Variants in HSPA12A observed in about 807,000 individuals in gnomAD.
The protein encoded by HSPA12A is heat shock 70 kDa protein 12A.
In HSPA12A, 28 loss-of-function variants were observed where a neutral mutation model predicts 69.2. That is an observed-to-expected ratio of 0.40 (90% CI 0.30 to 0.55). The LOEUF (loss-of-function observed/expected upper bound fraction) is 0.55, where lower values mean the gene tolerates loss of function less well. HSPA12A is among the 20% of genes least tolerant of loss of function. The pLI is 0.38. For synonymous variants in HSPA12A, 345 were observed against 370.5 expected, an observed-to-expected ratio of 0.93 and a Z score of 0.79; for missense variants, 686 against 900.7, an observed-to-expected ratio of 0.76 and a Z score of 3.05.
chr10:116,682,463 G>T (rs914155841), intron 7 of HSPA12A, among the ~76,000 whole-genome samples: 1 of 151,480 alleles, frequency 6.6e-6, no homozygotes, highest in Admixed American at 6.6e-5. Context: ...ACTGGGGGGG[G>T]GGGCCATTTC....
chr10:116,757,724 G>C (rs952181908), intron 2 of HSPA12A, among the ~76,000 whole-genome samples: 1 of 152,170 alleles, frequency 6.6e-6, no homozygotes, highest in African/African-American at 2.4e-5. Flanking sequence ...AATAATAACT[G>C]TACCTACTTC....
chr10:116,674,628 A>G lies in HSPA12A; in HGVS notation c.*153T>C, dbSNP rs1284123562. On this transcript the variant is annotated 3_prime_UTR_variant, in exon 12 of 12. Coordinates refer to ENST00000369209, the MANE Select transcript of HSPA12A (RefSeq NM_025015.3). ...TGACTCCAGTGTGCCCTCAAAAGTC[A>G]CTAATTATTTCTAGCCCTGATTGTT... The G allele has an allele frequency of 6.7e-6, 5 of 744,738 alleles. No homozygotes were observed. Among genetic ancestry groups the G allele is most frequent in the Admixed American group, 2.9e-5 (1 of 34,698 alleles). 46.1% of individuals were successfully genotyped at this position (744,738 alleles called of 1,614,324 possible). A position where few individuals can be genotyped will look rare whatever the true frequency, so the allele number is the denominator to read the frequency against.
chr10:116,775,496 T>C (rs1554890993), intron 2 of HSPA12A, among the ~76,000 whole-genome samples: 1 of 152,168 alleles, frequency 6.6e-6, no homozygotes, highest in Non-Finnish European at 1.5e-5. Flanking sequence ...AATCTAACAT[T>C]GACCGTGAAG....
intron 3 of HSPA12A, among the ~76,000 whole-genome samples, chr10:116,703,126 T>C (rs926791722): frequency 1.2e-4 from 18 of 152,190 alleles, no homozygotes; most frequent in Admixed American, 2.6e-4. Context: ...TCTGGCTAAA[T>C]GGAAAGAGAT....
At chr10:116,787,030 A>G (rs1452032574) in intron 2 of HSPA12A, among the ~76,000 whole-genome samples, 1 of 151,826 alleles carries the variant, frequency 6.6e-6, no homozygotes, top group Non-Finnish European at 1.5e-5. Flanking sequence ...ACGCACTCAC[A>G]CACACACGGT....
chr10:116,849,540 C>T (rs1008561953), intron 1 of HSPA12A: 18 of 1,494,378 alleles, frequency 1.2e-5, no homozygotes, highest in Non-Finnish European at 1.6e-5. Flanking sequence ...CCAGGCTAAA[C>T]CCCGCTGTAG....
At chr10:116,750,587 C>G (rs566228794) in intron 2 of HSPA12A, 6 of 320,728 alleles carry the variant, frequency 1.9e-5, no homozygotes, top group African/African-American at 1.3e-4. Flanking sequence ...CATAAAAAAA[C>G]AGCATAACTC....
chr10:116,705,764 C>T (rs1205265582), intron 2 of HSPA12A, among the ~76,000 whole-genome samples: 3 of 152,236 alleles, frequency 2.0e-5, no homozygotes, highest in Admixed American at 1.3e-4. Context: ...CAGGGCTGGG[C>T]ATCCCAGGAC....
At chr10:116,826,746 T>C (rs911347960) in intron 2 of HSPA12A, among the ~76,000 whole-genome samples, 1 of 152,212 alleles carries the variant, frequency 6.6e-6, no homozygotes, top group Non-Finnish European at 1.5e-5. Context: ...TTTCCTTATA[T>C]GGACAGAAAA....
intron 10 of HSPA12A, among the ~76,000 whole-genome samples, chr10:116,678,586 G>GAAAAAAAAA (rs11435803): frequency 7.8e-6 from 1 of 128,658 alleles, no homozygotes; most frequent in African/African-American, 2.9e-5. Context: ...GGTACAAAGT[G>GAAAAAAAAA]AAAAAAAAAA....
intron 10 of HSPA12A, among the ~76,000 whole-genome samples, chr10:116,678,348 C>CAAATAAAA (rs1849301207): frequency 1.7e-5 from 1 of 59,382 alleles, no homozygotes; most frequent in Non-Finnish European, 2.8e-5. Flanking sequence ...TGCCAACTTG[C>CAAATAAAA]AAAAAAAAAA....
chr10:116,757,527 T>A (rs1206280927), intron 2 of HSPA12A, among the ~76,000 whole-genome samples: 1 of 152,188 alleles, frequency 6.6e-6, no homozygotes, highest in Admixed American at 6.5e-5. Context: ...GTTACATTCA[T>A]CATCCGCACA....
At chr10:116,819,075 C>A (rs2133194826) in intron 2 of HSPA12A, among the ~76,000 whole-genome samples, 1 of 152,246 alleles carries the variant, frequency 6.6e-6, no homozygotes, top group South Asian at 2.1e-4. Context: ...ACAAGGGAAA[C>A]CCTTGACTTT....
At chr10:116,707,149 G>GCACACA (rs1491543649) in intron 2 of HSPA12A, 51 bp downstream of exon 2, 24 of 446,534 alleles carry the variant, frequency 5.4e-5, no homozygotes, top group Middle Eastern at 5.9e-4. Flanking sequence ...GCGCACCCAT[G>GCACACA]CGCGCACACA....
At chr10:116,716,173 T>A (rs2133011447) in intron 1 of HSPA12A, among the ~76,000 whole-genome samples, 1 of 151,790 alleles carries the variant, frequency 6.6e-6, no homozygotes, top group Admixed American at 6.6e-5. Context: ...GTATCCTCCA[T>A]CCCCTGCTGG....
In HSPA12A at chr10:116,674,685, A is replaced by G; in HGVS notation, c.*96T>C. Reference sequence around the variant, plus strand: ...TTCCCTGCTGAAATTCACATGGGCAATGGTGAGGGTCAAGGTTAGGGAAAG... The same window carrying G: ...TTCCCTGCTGAAATTCACATGGGCAGTGGTGAGGGTCAAGGTTAGGGAAAG... On this transcript the variant is annotated 3_prime_UTR_variant, in exon 12 of 12. Coordinates refer to ENST00000369209, the MANE Select transcript of HSPA12A (RefSeq NM_025015.3). 1 of 1,240,862 alleles carries G rather than the reference A, an allele frequency of 8.1e-7. No individual in the cohort carries two copies. The highest frequency in any genetic ancestry group is 1.1e-6 in the Non-Finnish European group (1 of 885,978). 76.9% of individuals were successfully genotyped at this position (1,240,862 alleles called of 1,614,324 possible).
chr10:116,849,945 G>A, upstream of HSPA12A: 2 of 716,268 alleles, frequency 2.8e-6, no homozygotes, highest in Non-Finnish European at 5.0e-6. Context: ...GCAGAAAGGA[G>A]GCAGCTGGAG....
intron 1 of HSPA12A, among the ~76,000 whole-genome samples, chr10:116,847,206 A>T (rs1845903656): frequency 6.6e-6 from 1 of 152,174 alleles, no homozygotes; most frequent in Non-Finnish European, 1.5e-5. Flanking sequence ...TCTACAAGGT[A>T]ATCTCAAAAG....
At chr10:116,776,311 C>A (rs1844337013) in intron 2 of HSPA12A, among the ~76,000 whole-genome samples, 1 of 152,196 alleles carries the variant, frequency 6.6e-6, no homozygotes, top group Non-Finnish European at 1.5e-5. Flanking sequence ...CTCTTGGCCG[C>A]TTCCTCCCGC....
Sources: gnomAD v4.1 joint callset for allele counts (sites outside exome capture counted in the v4.1 genomes callset) on GRCh38, gnomAD v4.1.1 for gene constraint, MANE v1.5 for transcripts, NCBI Gene and HGNC (gene_info 2026-07-23, HGNC 2026-07-21) for gene names.